Variants in PPARG observed in about 807,000 individuals in gnomAD.
PPARG encodes peroxisome proliferator activated receptor gamma, also known as peroxisome proliferator-activated receptor gamma.
PPARG carries 17 observed loss-of-function variants against 39.2 expected under a neutral mutation model. The observed-to-expected ratio is 0.43, with a 90% CI of 0.30 to 0.65. PPARG has a LOEUF of 0.65. Among genes scored for constraint, PPARG ranks in the 30% least tolerant of loss-of-function variants. The probability of loss-of-function intolerance (pLI) is 0.13; values close to 1 mark genes in which losing one functional copy is unlikely to be tolerated. For synonymous variants in PPARG, 223 were observed against 215.7 expected (o/e 1.03, Z -0.30); for missense variants, 406 against 585.9 (o/e 0.69, Z 3.17).
At position 12,419,025 on chromosome 3, in the gene PPARG, A is replaced by G. The variant is rs949655974; in HGVS notation, c.1180+1871A>G. Among the ~76,000 whole-genome samples the G allele has an allele frequency of 3.9e-5, 6 of 152,200 alleles. No individual in the cohort carries two copies. In the East Asian group the frequency reaches 9.7e-4, roughly 24 times the overall value. On this transcript the variant is annotated intron_variant, in intron 7 of 7. Coordinates refer to ENST00000651735, the MANE Select transcript of PPARG (RefSeq NM_138711.6). ...AATGGCACAATCTCGGCTCACTGCA[A>G]TCTCCACCTCCCGGGTTCAAGGGAT...
At chr3:12,296,318 T>C (rs2046785694) in intron 1 of PPARG, among the ~76,000 whole-genome samples, 1 of 148,758 alleles carries the variant, frequency 6.7e-6, no homozygotes, top group Admixed American at 6.7e-5. Context: ...TCTTAAAATG[T>C]GGTCCTGGGA....
intron 5 of PPARG, among the ~76,000 whole-genome samples, chr3:12,404,777 C>T (rs1292826291): frequency 1.3e-5 from 2 of 152,128 alleles, no homozygotes; most frequent in African/African-American, 4.8e-5. Context: ...GCACTCCAGC[C>T]TGGGCGACAG....
intron 5 of PPARG, 79 bp from the exon 6 acceptor site, chr3:12,405,803 C>CG (rs2125252285): frequency 6.9e-7 from 1 of 1,449,020 alleles, no homozygotes; most frequent in African/African-American, 1.4e-5. Flanking sequence ...TGTGTGGGAA[C>CG]GAGGGCTGGG....
chr3:12,345,718 G>A (rs566651166), intron 2 of PPARG, among the ~76,000 whole-genome samples: 67 of 152,276 alleles, frequency 4.4e-4, no homozygotes, highest in Middle Eastern at 3.4e-3. Context: ...TCAACAGTAC[G>A]TAAATTTCCT....
intron 2 of PPARG, among the ~76,000 whole-genome samples, chr3:12,332,113 G>C (rs999590986): frequency 2.0e-5 from 3 of 152,148 alleles, no homozygotes; most frequent in Non-Finnish European, 2.9e-5. Flanking sequence ...CATGTGAAAT[G>C]ATGAGGAACT....
At chr3:12,366,317 A>C (rs1407129693) in intron 2 of PPARG, among the ~76,000 whole-genome samples, 3 of 150,488 alleles carry the variant, frequency 2.0e-5, no homozygotes, top group African/African-American at 7.3e-5. Context: ...ATAATCACTT[A>C]CTAGGTCCAG....
chr3:12,293,974 G>T lies in PPARG; in HGVS notation c.-83+4840G>T, dbSNP rs115836967. Among the ~76,000 whole-genome samples the T allele has an allele frequency of 3.1e-3, 466 of 152,234 alleles. 2 individuals carry two copies. The highest frequency in any genetic ancestry group is 0.011 in the African/African-American group (453 of 41,538). On this transcript the variant is annotated intron_variant, in intron 1 of 7. Transcript: ENST00000651735. ...ATGTCTTTGAATTTGAAAGCTTTGGGTCTACTTTTAAAATGCCAAAGTTCC... is the reference window on the plus strand; with the variant it reads ...ATGTCTTTGAATTTGAAAGCTTTGGTTCTACTTTTAAAATGCCAAAGTTCC...
At chr3:12,388,958 A>G (rs1414447411) in intron 4 of PPARG, among the ~76,000 whole-genome samples, 1 of 152,190 alleles carries the variant, frequency 6.6e-6, no homozygotes, top group Non-Finnish European at 1.5e-5. Flanking sequence ...TGAAAGAGAT[A>G]TGCAAAGAAA....
At chr3:12,370,653 T>C (rs1157594216) in intron 2 of PPARG, among the ~76,000 whole-genome samples, 1 of 152,244 alleles carries the variant, frequency 6.6e-6, no homozygotes, top group African/African-American at 2.4e-5. Flanking sequence ...TTTTCTCTCT[T>C]TTGTGTATTC....
intron 2 of PPARG, among the ~76,000 whole-genome samples, chr3:12,341,430 C>G (rs1042705531): frequency 6.6e-6 from 1 of 152,192 alleles, no homozygotes; most frequent in African/African-American, 2.4e-5. Flanking sequence ...ACAAATTAAA[C>G]AAGCAGTCTT....
intron 3 of PPARG, among the ~76,000 whole-genome samples, 160 bp downstream of exon 3, chr3:12,380,091 A>T (rs565486187): frequency 6.6e-6 from 1 of 152,304 alleles, no homozygotes; most frequent in East Asian, 1.9e-4. Context: ...TTAGGTATCT[A>T]TGAAATGCCA....
intron 2 of PPARG, among the ~76,000 whole-genome samples, chr3:12,357,637 C>T (rs1372982876): frequency 1.3e-5 from 2 of 152,196 alleles, no homozygotes; most frequent in South Asian, 2.1e-4. Flanking sequence ...GTCTGCTTCA[C>T]CTCCCTGGAA....
intron 2 of PPARG, among the ~76,000 whole-genome samples, chr3:12,364,909 T>G (rs2048966015): frequency 6.6e-6 from 1 of 152,228 alleles, no homozygotes; most frequent in Admixed American, 6.5e-5. Flanking sequence ...TATTGAGTTT[T>G]AAGCGTTCTT....
chr3:12,382,124 C>G (rs1265468227), intron 4 of PPARG, among the ~76,000 whole-genome samples: 1 of 152,080 alleles, frequency 6.6e-6, no homozygotes, highest in African/African-American at 2.4e-5. Flanking sequence ...AGACCGCAGT[C>G]TAGACCCTGA....
chr3:12,351,241 C>A (rs1352546082), intron 2 of PPARG, among the ~76,000 whole-genome samples: 2 of 152,192 alleles, frequency 1.3e-5, no homozygotes, highest in African/African-American at 4.8e-5. Context: ...TCTGATAATT[C>A]TAAATACAGT....
intron 2 of PPARG, among the ~76,000 whole-genome samples, chr3:12,357,986 G>T (rs1455868431): frequency 1.3e-5 from 2 of 152,092 alleles, no homozygotes; most frequent in Non-Finnish European, 2.9e-5. Context: ...AATATATTTA[G>T]CAAATAAATA....
chr3:12,303,934 T>C (rs2046992879), intron 1 of PPARG, among the ~76,000 whole-genome samples: 1 of 152,262 alleles, frequency 6.6e-6, no homozygotes, highest in Non-Finnish European at 1.5e-5. Context: ...CCAGTACATA[T>C]ACTAAGTTTC....
At chr3:12,365,548 T>G (rs920379214) in intron 2 of PPARG, among the ~76,000 whole-genome samples, 1 of 152,040 alleles carries the variant, frequency 6.6e-6, no homozygotes, top group African/African-American at 2.4e-5. Context: ...TGAGTTAATT[T>G]TTATGAAGAG....
intron 7 of PPARG, among the ~76,000 whole-genome samples, chr3:12,432,423 G>A (rs2051692873): frequency 6.6e-6 from 1 of 152,146 alleles, no homozygotes; most frequent in Non-Finnish European, 1.5e-5. Context: ...AAATGTAAAA[G>A]TATTTGATAA....
Sources: gnomAD v4.1 joint callset for allele counts (sites outside exome capture counted in the v4.1 genomes callset) on GRCh38, gnomAD v4.1.1 for gene constraint, MANE v1.5 for transcripts, NCBI Gene and HGNC (gene_info 2026-07-23, HGNC 2026-07-21) for gene names.